The following SH3RF3 variants were observed in gnomAD, a reference collection of about 807,000 sequenced individuals.
SH3RF3 encodes the protein E3 ubiquitin-protein ligase SH3RF3.
In SH3RF3, 29 loss-of-function variants were observed where a neutral mutation model predicts 66.3. The observed-to-expected ratio is 0.44, with a 90% CI of 0.33 to 0.60. SH3RF3 has a LOEUF of 0.60. Ranked by LOEUF, SH3RF3 falls within the 20% of genes least tolerant of loss-of-function variation. The probability of loss-of-function intolerance (pLI) is 0.04; values close to 1 mark genes in which losing one functional copy is unlikely to be tolerated. For synonymous variants in SH3RF3, 583 were observed against 532.0 expected (o/e 1.10, Z -1.32); for missense variants, 1,194 against 1,190.9 (o/e 1.00, Z -0.04).
intron 1 of SH3RF3, among the ~76,000 whole-genome samples, chr2:109,319,854 G>C (rs1294703683): frequency 1.3e-5 from 2 of 152,204 alleles, no homozygotes; most frequent in East Asian, 3.9e-4. Flanking sequence ...AGAGCCAGTA[G>C]GAGTATCAGC....
chr2:109,321,776 C>T (rs1341924069), intron 1 of SH3RF3, among the ~76,000 whole-genome samples: 1 of 152,196 alleles, frequency 6.6e-6, no homozygotes. Flanking sequence ...TGTTATTCTG[C>T]TAGAGAGATG....
At chr2:109,387,228 GA>G (rs1369434709) in intron 3 of SH3RF3, among the ~76,000 whole-genome samples, 1 of 152,174 alleles carries the variant, frequency 6.6e-6, no homozygotes, top group Non-Finnish European at 1.5e-5. Flanking sequence ...TAAATTGTGA[GA>G]ATATTCTCAT....
rs564974055 is a variant in SH3RF3 at position 109,184,372 on chromosome 2, T to A, written c.573+54259T>A. On this transcript the variant is annotated intron_variant, in intron 1 of 9. Coordinates refer to ENST00000309415, the MANE Select transcript of SH3RF3 (RefSeq NM_001099289.3). The stretch of plus-strand genomic sequence containing the variant: ...AAAGGCCAGGAGTTTCCTAGCAGGA[T>A]GAAATGCAGAAAGGCAGCTTTTCAG... Among the ~76,000 whole-genome samples the A allele has an allele frequency of 2.0e-4, 31 of 152,318 alleles. No homozygotes were observed. The South Asian group carries it at 6.2e-3, about 31-fold the overall frequency.
chr2:109,300,417 T>G (rs1681437004), intron 1 of SH3RF3, among the ~76,000 whole-genome samples: 6 of 152,136 alleles, frequency 3.9e-5, no homozygotes, highest in Admixed American at 3.9e-4. Flanking sequence ...TCACCTCAAG[T>G]GATCCACCCA....
chr2:109,275,543 G>A (rs900623006), intron 1 of SH3RF3, among the ~76,000 whole-genome samples: 3 of 152,200 alleles, frequency 2.0e-5, no homozygotes, highest in African/African-American at 7.2e-5. Context: ...AAGCGTCACA[G>A]GAAATGTGCA....
intron 1 of SH3RF3, among the ~76,000 whole-genome samples, chr2:109,178,397 G>T (rs1313698622): frequency 6.6e-6 from 1 of 152,078 alleles, no homozygotes; most frequent in Admixed American, 6.5e-5. Context: ...GAATATTGGT[G>T]GTATGCTTTA....
intron 1 of SH3RF3, among the ~76,000 whole-genome samples, chr2:109,187,881 C>T (rs1014394341): frequency 1.4e-4 from 21 of 152,188 alleles, no homozygotes; most frequent in African/African-American, 1.9e-4. Context: ...TTCCTGCCGC[C>T]GTCACCGTGG....
intron 1 of SH3RF3, among the ~76,000 whole-genome samples, chr2:109,135,415 C>T (rs1676792609): frequency 6.6e-6 from 1 of 152,206 alleles, no homozygotes; most frequent in Non-Finnish European, 1.5e-5. Context: ...AATGGGCTAG[C>T]TTTCCTGAGA....
At chr2:109,172,791 A>G (rs1677817699) in intron 1 of SH3RF3, among the ~76,000 whole-genome samples, 1 of 152,256 alleles carries the variant, frequency 6.6e-6, no homozygotes, top group African/African-American at 2.4e-5. Context: ...GGGTTACGGA[A>G]GTGGTCTAAG....
chr2:109,387,707 T>C (rs1461896157), intron 3 of SH3RF3, among the ~76,000 whole-genome samples: 1 of 152,216 alleles, frequency 6.6e-6, no homozygotes, highest in East Asian at 1.9e-4. Context: ...CAACGTCCTC[T>C]ATGTAATGAA....
At chr2:109,429,954 A>G (rs569625039) in intron 5 of SH3RF3, among the ~76,000 whole-genome samples, 1 of 152,306 alleles carries the variant, frequency 6.6e-6, no homozygotes, top group African/African-American at 2.4e-5. Context: ...AATCCACGGA[A>G]CAAGGCCTCC....
At chr2:109,169,456 G>A (rs1677707058) in intron 1 of SH3RF3, among the ~76,000 whole-genome samples, 1 of 152,114 alleles carries the variant, frequency 6.6e-6, no homozygotes, top group Admixed American at 6.5e-5. Context: ...GGAGGAGGGT[G>A]TTGAATTGTC....
At chr2:109,353,338 C>T (rs1312823712) in intron 2 of SH3RF3, among the ~76,000 whole-genome samples, 4 of 152,258 alleles carry the variant, frequency 2.6e-5, no homozygotes, top group South Asian at 2.1e-4. Context: ...GCTCGACCCT[C>T]GTCCTCAGCA....
intron 2 of SH3RF3, among the ~76,000 whole-genome samples, chr2:109,365,205 T>C (rs1409143298): frequency 6.6e-6 from 1 of 152,146 alleles, no homozygotes; most frequent in Non-Finnish European, 1.5e-5. Flanking sequence ...CACGAGTGGA[T>C]TTTTCTCTGA....
chr2:109,317,800 T>A (rs1490691448), intron 1 of SH3RF3, among the ~76,000 whole-genome samples: 1 of 152,210 alleles, frequency 6.6e-6, no homozygotes, highest in Non-Finnish European at 1.5e-5. Context: ...TAACTGGGGA[T>A]GTATCCTAGG....
chr2:109,240,997 A>G (rs749644097), intron 1 of SH3RF3, among the ~76,000 whole-genome samples: 4 of 152,092 alleles, frequency 2.6e-5, no homozygotes, highest in Non-Finnish European at 4.4e-5. Context: ...CAAAAACTCC[A>G]TGCCTCCCTT....
At chr2:109,166,463 A>AAAT (rs1171816734) in intron 1 of SH3RF3, among the ~76,000 whole-genome samples, 1 of 151,296 alleles carries the variant, frequency 6.6e-6, no homozygotes, top group Non-Finnish European at 1.5e-5. Flanking sequence ...GTGACAGAAA[A>AAAT]AAAAAAAAAA....
chr2:109,137,747 C>G (rs1214993913), intron 1 of SH3RF3, among the ~76,000 whole-genome samples: 3 of 152,204 alleles, frequency 2.0e-5, no homozygotes, highest in Admixed American at 6.5e-5. Flanking sequence ...TAGACACCAC[C>G]CGTCCTGATC....
intron 1 of SH3RF3, among the ~76,000 whole-genome samples, chr2:109,276,058 C>T (rs1042687628): frequency 1.1e-4 from 16 of 152,094 alleles, no homozygotes; most frequent in African/African-American, 3.6e-4. Flanking sequence ...ACCCAGCAAC[C>T]CTTCATTCAG....
Sources: allele counts gnomAD v4.1 joint callset (sites outside exome capture counted in the v4.1 genomes callset), GRCh38; gene constraint gnomAD v4.1.1; transcripts MANE v1.5; gene names NCBI Gene and HGNC (gene_info 2026-07-23, HGNC 2026-07-21).